Variants in LONP2 observed in about 807,000 individuals in gnomAD.
LONP2 encodes the protein lon protease homolog 2, peroxisomal.
LONP2 carries 60 observed loss-of-function variants against 85.6 expected under a neutral mutation model. The observed-to-expected ratio is 0.70, with a 90% CI of 0.57 to 0.87. The LOEUF is 0.87. LONP2 is among the 40% of genes least tolerant of loss of function. LONP2 has a pLI of 0.00. For synonymous variants in LONP2, 395 were observed against 389.7 expected (o/e 1.01, Z -0.16); for missense variants, 860 against 1,063.5 (o/e 0.81, Z 2.66).
At chr16:48,334,089 C>T in intron 11 of LONP2, 127 bp from the exon 12 acceptor site, 1 of 773,486 alleles carries the variant, frequency 1.3e-6, no homozygotes, top group South Asian at 1.9e-5. Context: ...GAATGTTTGC[C>T]TTGATAAATG....
intron 11 of LONP2, among the ~76,000 whole-genome samples, chr16:48,312,346 G>A (rs1163370967): frequency 6.6e-6 from 1 of 151,948 alleles, no homozygotes; most frequent in Non-Finnish European, 1.5e-5. Flanking sequence ...TGTTTCTCTG[G>A]GGGTGTCATA....
intron 1 of LONP2, among the ~76,000 whole-genome samples, chr16:48,249,252 A>G (rs935364894): frequency 1.3e-5 from 2 of 152,226 alleles, no homozygotes; most frequent in Non-Finnish European, 2.9e-5. Context: ...TTACAGAGCT[A>G]CTAGCTAAAG....
In LONP2 at chr16:48,362,458, G is replaced by A. The variant is rs1378457719; in HGVS notation, c.*595G>A. 2.8e-5 allele frequency: 45 copies of A among 1,606,588 alleles called. No individual in the cohort carries two copies. The highest frequency in any genetic ancestry group is 3.7e-5 in the Non-Finnish European group (44 of 1,175,048). ...GAAATAAATACATAAGGAGGCAGGA[G>A]AAAAATAATTATAACCATGACTTAC... On this transcript the variant is annotated 3_prime_UTR_variant, in exon 5 of 5. Transcript: ENST00000565867. The surrounding 1 kb of genome is among the most constrained non-coding windows in gnomAD (Gnocchi z 4.2).
At chr16:48,317,087 G>C (rs1408770412) in intron 11 of LONP2, among the ~76,000 whole-genome samples, 1 of 152,156 alleles carries the variant, frequency 6.6e-6, no homozygotes, top group African/African-American at 2.4e-5. Flanking sequence ...CCAGGATGTA[G>C]TTCTTATTCC....
intron 10 of LONP2, among the ~76,000 whole-genome samples, chr16:48,301,836 AGG>A (rs1026469766): frequency 6.6e-6 from 1 of 152,214 alleles, no homozygotes; most frequent in African/African-American, 2.4e-5. Flanking sequence ...AAATACTATC[AGG>A]TGCTGCACAC....
chr16:48,265,813 A>G (rs569621238), intron 6 of LONP2, among the ~76,000 whole-genome samples: 9 of 152,306 alleles, frequency 5.9e-5, no homozygotes, highest in Admixed American at 3.9e-4. Flanking sequence ...TTTGAGTGGT[A>G]TAGACATTTT....
intron 11 of LONP2, among the ~76,000 whole-genome samples, chr16:48,323,220 A>T (rs1454446225): frequency 2.6e-5 from 4 of 152,258 alleles, no homozygotes; most frequent in Non-Finnish European, 4.4e-5. Context: ...ATGGTAGCTT[A>T]TAAAAATTAC....
At chr16:48,333,428 T>A (rs1959529136) in intron 11 of LONP2, among the ~76,000 whole-genome samples, 1 of 152,176 alleles carries the variant, frequency 6.6e-6, no homozygotes, top group African/African-American at 2.4e-5. Context: ...ATGATAACCT[T>A]AGAGTTAAGC....
intron 11 of LONP2, among the ~76,000 whole-genome samples, chr16:48,326,185 A>G (rs1254422711): frequency 3.3e-5 from 5 of 152,198 alleles, no homozygotes; most frequent in Admixed American, 6.5e-5. Context: ...AATGCAGTCT[A>G]TACATTCTCA....
rs753509321 is a variant in LONP2 at position 48,362,475 on chromosome 16, A to G, written c.*612A>G. ...AGGCAGGAGAAAAATAATTATAACC[A>G]TGACTTACTTTATAAATAATGTTTA... On this transcript the variant is annotated 3_prime_UTR_variant, in exon 5 of 5. Transcript: ENST00000565867. The surrounding 1 kb of genome is among the most constrained non-coding windows in gnomAD (Gnocchi z 4.2). The G allele has an allele frequency of 1.3e-6, 2 of 1,588,344 alleles. No homozygotes were observed. The highest frequency in any genetic ancestry group is 2.2e-5 in the East Asian group (1 of 44,582).
At chr16:48,335,345 G>T (rs1006110973) in intron 12 of LONP2, among the ~76,000 whole-genome samples, 2 of 152,134 alleles carry the variant, frequency 1.3e-5, no homozygotes, top group East Asian at 1.9e-4. Flanking sequence ...TTCCTTTAGG[G>T]TTAAACCCAC....
chr16:48,271,051 G>A (rs1178395598), intron 7 of LONP2, among the ~76,000 whole-genome samples: 1 of 152,064 alleles, frequency 6.6e-6, no homozygotes, highest in Admixed American at 6.6e-5. Flanking sequence ...ACAGTGGCAT[G>A]CACCTGTGGT....
chr16:48,268,279 AC>A (rs1362175184), intron 6 of LONP2, among the ~76,000 whole-genome samples: 1 of 152,208 alleles, frequency 6.6e-6, no homozygotes, highest in African/African-American at 2.4e-5. Flanking sequence ...AATTGTCTTT[AC>A]TTGGCATATT....
chr16:48,280,364 A>T (rs958275795), intron 8 of LONP2, among the ~76,000 whole-genome samples: 1 of 152,220 alleles, frequency 6.6e-6, no homozygotes, highest in Admixed American at 6.5e-5. Flanking sequence ...AGTTCACCAA[A>T]GACAGCTTTA....
chr16:48,348,247 T>C lies in LONP2; in HGVS notation c.2294T>C (p.Val765Ala). ...LFSGRLVRSD[V>A]AMTGEITLRG... The stretch of plus-strand genomic sequence containing the variant: ...AGTGGGCGGCTGGTACGTTCAGATG[T>C]AGCCATGACTGGAGAAATTACACTG... The change falls in exon 14 of 15, where the codon GTA becomes GCA. Residue 765 changes from valine to alanine, a missense_variant. Val to Ala is a moderately conservative substitution (Grantham distance 64, BLOSUM62 0). Coordinates refer to ENST00000285737, the MANE Select transcript of LONP2 (RefSeq NM_031490.5). 6.3e-7 allele frequency: 1 copy of C among 1,574,898 alleles called. No individual in the cohort carries two copies. Among genetic ancestry groups the C allele is most frequent in the Non-Finnish European group, 8.6e-7 (1 of 1,162,958 alleles).
At chr16:48,248,941 A>G (rs1971548829) in intron 1 of LONP2, among the ~76,000 whole-genome samples, 1 of 151,388 alleles carries the variant, frequency 6.6e-6, no homozygotes, top group South Asian at 2.1e-4. Flanking sequence ...TTAGATATTT[A>G]CATAATATCC....
intron 11 of LONP2, among the ~76,000 whole-genome samples, chr16:48,329,279 T>G (rs2151021175): frequency 6.6e-6 from 1 of 152,290 alleles, no homozygotes; most frequent in African/African-American, 2.4e-5. Flanking sequence ...TTGTGCACTA[T>G]TCTGGGCAGT....
At chr16:48,292,290 A>G (rs1972571707) in intron 8 of LONP2, among the ~76,000 whole-genome samples, 1 of 152,214 alleles carries the variant, frequency 6.6e-6, no homozygotes, top group Non-Finnish European at 1.5e-5. Context: ...GTGAAATTCA[A>G]CAGAACTGTT....
intron 1 of LONP2, among the ~76,000 whole-genome samples, chr16:48,248,179 T>A (rs907014902): frequency 6.6e-6 from 1 of 152,154 alleles, no homozygotes; most frequent in African/African-American, 2.4e-5. Flanking sequence ...GCTGGTGCAG[T>A]GGTGCCATCT....
Sources: gnomAD v4.1 joint callset for allele counts (sites outside exome capture counted in the v4.1 genomes callset) on GRCh38, gnomAD v4.1.1 for gene constraint, Gnocchi (gnomAD v3.1) non-coding constraint, MANE v1.5 for transcripts, NCBI Gene and HGNC (gene_info 2026-07-23, HGNC 2026-07-21) for gene names.